Variants in SLIT3 observed in about 807,000 individuals in gnomAD.
The protein encoded by SLIT3 is slit guidance ligand 3.
In SLIT3, 68 loss-of-function variants were observed where a neutral mutation model predicts 184.0. The ratio of observed to expected loss-of-function variants is 0.37; its 90% confidence interval spans 0.30 to 0.45. The LOEUF (loss-of-function observed/expected upper bound fraction) is 0.45, where lower values mean the gene tolerates loss of function less well. Ranked by LOEUF, SLIT3 falls within the 20% of genes least tolerant of loss-of-function variation. The pLI, the probability that SLIT3 is intolerant of heterozygous loss-of-function variation, is 1.00. For synonymous variants in SLIT3, 831 were observed against 828.6 expected, an observed-to-expected ratio of 1.00 and a Z score of -0.05; for missense variants, 1,707 against 2,026.0, an observed-to-expected ratio of 0.84 and a Z score of 3.02.
intron 4 of SLIT3, among the ~76,000 whole-genome samples, chr5:169,080,231 G>A (rs971585053): frequency 5.3e-5 from 8 of 152,140 alleles, no homozygotes; most frequent in African/African-American, 1.9e-4. Flanking sequence ...AGGGCCCAAA[G>A]TCAGGGCCTA....
chr5:169,194,035 C>T (rs12515641), intron 3 of SLIT3, among the ~76,000 whole-genome samples: 11,434 of 151,820 alleles, frequency 0.075, 497 homozygotes, highest in South Asian at 0.13. Flanking sequence ...AGATCGAGAC[C>T]ATCATTGGGC....
At chr5:168,829,274 T>C (rs745376280) in intron 6 of SLIT3, among the ~76,000 whole-genome samples, 2 of 152,252 alleles carry the variant, frequency 1.3e-5, no homozygotes, top group African/African-American at 2.4e-5. Flanking sequence ...CACCATGTAA[T>C]TGGCTCTAAT....
chr5:169,013,583 T>C (rs930701372), intron 4 of SLIT3, among the ~76,000 whole-genome samples: 23 of 152,202 alleles, frequency 1.5e-4, no homozygotes, highest in South Asian at 1.0e-3. Context: ...GTGCCCAAGA[T>C]TGGGTTACTC....
At chr5:168,956,196 C>T (rs1306022616) in intron 4 of SLIT3, among the ~76,000 whole-genome samples, 2 of 152,252 alleles carry the variant, frequency 1.3e-5, no homozygotes, top group East Asian at 3.9e-4. Context: ...TGTCTATCTC[C>T]CACTTCACAT....
At chr5:168,862,736 A>G (rs1759156784) in intron 5 of SLIT3, among the ~76,000 whole-genome samples, 1 of 151,662 alleles carries the variant, frequency 6.6e-6, no homozygotes, top group Non-Finnish European at 1.5e-5. Flanking sequence ...GTGCAATGGC[A>G]CAATCTTGGC....
At chr5:168,939,800 GTCTTAA>G (rs1562017319) in intron 4 of SLIT3, among the ~76,000 whole-genome samples, 1 of 152,208 alleles carries the variant, frequency 6.6e-6, no homozygotes. Context: ...TATTATCCTT[GTCTTAA>G]TCTTAATGCC....
chr5:168,864,579 G>T (rs951623891), intron 5 of SLIT3, among the ~76,000 whole-genome samples: 1 of 152,150 alleles, frequency 6.6e-6, no homozygotes, highest in Admixed American at 6.5e-5. Context: ...TGTTGAGGGG[G>T]TTATACCAAT....
At chr5:168,954,355 A>ATT (rs1157422343) in intron 4 of SLIT3, among the ~76,000 whole-genome samples, 1 of 152,000 alleles carries the variant, frequency 6.6e-6, no homozygotes, top group Non-Finnish European at 1.5e-5. Flanking sequence ...TTAATATATA[A>ATT]TTATATATAT....
intron 5 of SLIT3, among the ~76,000 whole-genome samples, chr5:168,864,326 A>G (rs935643989): frequency 2.6e-5 from 4 of 152,198 alleles, no homozygotes; most frequent in African/African-American, 4.8e-5. Context: ...ATTATATATA[A>G]AGATCAACCT....
intron 1 of SLIT3, chr5:169,263,487 T>TC: frequency 2.6e-6 from 1 of 389,446 alleles, no homozygotes; most frequent in Non-Finnish European, 5.0e-6. Context: ...GGAAGGGCCC[T>TC]CCCCTGCAGA....
chr5:168,775,457 C>G (rs1186441893), intron 12 of SLIT3, among the ~76,000 whole-genome samples: 1 of 152,100 alleles, frequency 6.6e-6, no homozygotes, highest in Non-Finnish European at 1.5e-5. Context: ...GCTCAAATGT[C>G]CGCTCCTCAG....
chr5:168,940,135 A>G (rs1762286025), intron 4 of SLIT3, among the ~76,000 whole-genome samples: 1 of 152,236 alleles, frequency 6.6e-6, no homozygotes, highest in African/African-American at 2.4e-5. Flanking sequence ...GATAAATGCT[A>G]ACAGAGGGTA....
intron 4 of SLIT3, among the ~76,000 whole-genome samples, chr5:168,942,584 T>C (rs146586358): frequency 6.2e-4 from 95 of 152,332 alleles, no homozygotes; most frequent in African/African-American, 2.2e-3. Context: ...AACCTCTCTG[T>C]TTTAGCAAAC....
intron 4 of SLIT3, chr5:169,024,269 C>A (rs1756725033): frequency 6.6e-6 from 1 of 152,188 alleles, no homozygotes; most frequent in South Asian, 2.1e-4. Flanking sequence ...AGATGACGTT[C>A]TTATTTATTT....
At chr5:168,787,826 T>C (rs2113581672) in intron 11 of SLIT3, among the ~76,000 whole-genome samples, 1 of 152,204 alleles carries the variant, frequency 6.6e-6, no homozygotes, top group East Asian at 1.9e-4. Context: ...CCCTTTACCT[T>C]GGCTTCTCCT....
At chr5:168,996,143 G>A (rs1755501663) in intron 4 of SLIT3, among the ~76,000 whole-genome samples, 2 of 152,192 alleles carry the variant, frequency 1.3e-5, no homozygotes, top group Non-Finnish European at 2.9e-5. Flanking sequence ...AGGGTGTGGG[G>A]AGACTTCTGT....
intron 8 of SLIT3, among the ~76,000 whole-genome samples, chr5:168,812,800 T>A (rs796450946): frequency 6.6e-6 from 1 of 152,172 alleles, no homozygotes; most frequent in Non-Finnish European, 1.5e-5. Context: ...TGTCCAATTA[T>A]GGTGTTTTAA....
intron 4 of SLIT3, among the ~76,000 whole-genome samples, chr5:169,035,387 C>T (rs1411774077): frequency 3.9e-5 from 6 of 152,224 alleles, no homozygotes; most frequent in South Asian, 2.1e-4. Context: ...CAGTGGCTCA[C>T]GCCTGTAATC....
chr5:169,240,579 C>CTTTTTTTTT (rs67955225), intron 3 of SLIT3, among the ~76,000 whole-genome samples: 4 of 114,350 alleles, frequency 3.5e-5, no homozygotes, highest in Non-Finnish European at 5.3e-5. Flanking sequence ...CTATCATTTT[C>CTTTTTTTTT]TTTTTTTTTT....
Sources: gnomAD v4.1 joint callset for allele counts (sites outside exome capture counted in the v4.1 genomes callset) on GRCh38, gnomAD v4.1.1 for gene constraint, MANE v1.5 for transcripts, NCBI Gene and HGNC (gene_info 2026-07-23, HGNC 2026-07-21) for gene names.